Variants in ADAM22 observed in about 807,000 individuals in gnomAD.
ADAM22 encodes the protein ADAM metallopeptidase domain 22.
In ADAM22, 65 loss-of-function variants were observed where a neutral mutation model predicts 144.6. That is an observed-to-expected ratio of 0.45 (90% CI 0.37 to 0.55). The LOEUF is 0.55. Among genes scored for constraint, ADAM22 ranks in the 20% least tolerant of loss-of-function variants. ADAM22 has a pLI of 0.00. For missense variants in ADAM22, 974 were observed against 1,184.9 expected (o/e 0.82, Z 2.61); for synonymous variants, 391 against 412.6 (o/e 0.95, Z 0.63).
intron 14 of ADAM22, among the ~76,000 whole-genome samples, chr7:88,140,267 T>C (rs767286799): frequency 1.3e-5 from 2 of 152,082 alleles, no homozygotes. Context: ...ATCCAAACTT[T>C]ATCATCGTGT....
At chr7:88,147,814 G>C (rs748827099) in intron 17 of ADAM22, among the ~76,000 whole-genome samples, 7 of 152,092 alleles carry the variant, frequency 4.6e-5, no homozygotes, top group Non-Finnish European at 7.4e-5. Context: ...TTCTACCCTA[G>C]ATATTCTAAA....
intron 21 of ADAM22, among the ~76,000 whole-genome samples, chr7:88,154,532 T>C (rs1318353472): frequency 2.6e-5 from 4 of 152,214 alleles, no homozygotes; most frequent in African/African-American, 9.6e-5. Flanking sequence ...TATCTCTCTC[T>C]TCTTTGAACT....
At chr7:87,967,942 C>T (rs768916746) in intron 2 of ADAM22, among the ~76,000 whole-genome samples, 2 of 150,680 alleles carry the variant, frequency 1.3e-5, no homozygotes, top group Non-Finnish European at 3.0e-5. Context: ...TTCCTTTTGT[C>T]TTTCTCTTAC....
At chr7:88,102,507 T>C (rs928216958) in intron 4 of ADAM22, among the ~76,000 whole-genome samples, 1 of 152,150 alleles carries the variant, frequency 6.6e-6, no homozygotes, top group Non-Finnish European at 1.5e-5. Context: ...GTGATTTAGA[T>C]GGTTGGGAGT....
intron 3 of ADAM22, among the ~76,000 whole-genome samples, chr7:88,060,078 G>A (rs1245955229): frequency 2.6e-5 from 4 of 152,026 alleles, no homozygotes; most frequent in Non-Finnish European, 5.9e-5. Flanking sequence ...TCTAAAAAAA[G>A]TATATACTCT....
intron 30 of ADAM22, among the ~76,000 whole-genome samples, chr7:88,192,906 T>G (rs1849925918): frequency 6.6e-6 from 1 of 152,250 alleles, no homozygotes; most frequent in South Asian, 2.1e-4. Flanking sequence ...TTCTAACATT[T>G]AAATAATCCA....
At chr7:88,195,208 A>G (rs1850421308) in intron 31 of ADAM22, among the ~76,000 whole-genome samples, 1 of 152,202 alleles carries the variant, frequency 6.6e-6, no homozygotes, top group Non-Finnish European at 1.5e-5. Flanking sequence ...TTATGTTTAT[A>G]ATAATTATAT....
At chr7:88,171,399 C>T (rs1844272517) in intron 25 of ADAM22, 145 bp from the exon 26 acceptor site, 2 of 635,974 alleles carry the variant, frequency 3.1e-6, no homozygotes, top group Non-Finnish European at 2.6e-6. Flanking sequence ...TGTGCATTCC[C>T]ATTTTAATTC....
At chr7:88,018,045 C>T (rs912306879) in intron 3 of ADAM22, among the ~76,000 whole-genome samples, 1 of 152,054 alleles carries the variant, frequency 6.6e-6, no homozygotes, top group Non-Finnish European at 1.5e-5. Flanking sequence ...TCTCTTGTTT[C>T]AGGTCTAAAC....
At chr7:88,005,527 G>C (rs1192097159) in intron 3 of ADAM22, among the ~76,000 whole-genome samples, 2 of 152,168 alleles carry the variant, frequency 1.3e-5, no homozygotes, top group Non-Finnish European at 1.5e-5. Flanking sequence ...GTTTGTATCA[G>C]TATATTGACA....
At chr7:87,966,125 C>T (rs950182939) in intron 2 of ADAM22, among the ~76,000 whole-genome samples, 3 of 152,192 alleles carry the variant, frequency 2.0e-5, no homozygotes, top group Admixed American at 6.5e-5. Context: ...TAACTCTACT[C>T]TAATGAAATA....
intron 3 of ADAM22, among the ~76,000 whole-genome samples, chr7:88,033,751 G>A (rs186891132): frequency 6.4e-4 from 97 of 152,196 alleles, no homozygotes; most frequent in African/African-American, 1.4e-3. Flanking sequence ...CTGAGCTGGC[G>A]TCCAAGCCAC....
intron 3 of ADAM22, among the ~76,000 whole-genome samples, chr7:88,020,580 T>C (rs1363361994): frequency 6.6e-6 from 1 of 152,130 alleles, no homozygotes; most frequent in Admixed American, 6.5e-5. Context: ...TCCTTCACTA[T>C]TCCAAGGCAC....
intron 2 of ADAM22, among the ~76,000 whole-genome samples, chr7:87,977,362 G>A (rs1852149397): frequency 6.6e-6 from 1 of 152,182 alleles, no homozygotes; most frequent in South Asian, 2.1e-4. Flanking sequence ...GGGATGTGCT[G>A]GTTCTCAGGG....
chr7:88,124,844 T>C (rs1404086952), intron 7 of ADAM22, among the ~76,000 whole-genome samples: 1 of 152,006 alleles, frequency 6.6e-6, no homozygotes, highest in African/African-American at 2.4e-5. Context: ...ATTTCTCCTT[T>C]ATGAACAGTA....
At chr7:88,191,605 A>G (rs1849638635) in intron 30 of ADAM22, among the ~76,000 whole-genome samples, 2 of 152,182 alleles carry the variant, frequency 1.3e-5, no homozygotes, top group Admixed American at 1.3e-4. Context: ...GTCCTATTTA[A>G]AGTGTTTTTC....
intron 19 of ADAM22, 97 bp downstream of exon 19, chr7:88,151,128 T>C: frequency 6.6e-7 from 1 of 1,518,484 alleles, no homozygotes; most frequent in Non-Finnish European, 9.1e-7. Flanking sequence ...TAAATGTTTG[T>C]AATCAATTCT....
At chr7:88,082,243 T>G (rs1176681489) in intron 4 of ADAM22, among the ~76,000 whole-genome samples, 2 of 152,170 alleles carry the variant, frequency 1.3e-5, no homozygotes, top group Non-Finnish European at 2.9e-5. Context: ...GGGAAAGGAT[T>G]CCCTATTTAG....
chr7:88,141,993 T>A (rs978281469), intron 14 of ADAM22, among the ~76,000 whole-genome samples: 2 of 152,186 alleles, frequency 1.3e-5, no homozygotes, highest in Admixed American at 6.5e-5. Flanking sequence ...TATTCTCTAA[T>A]CAAGATCTTT....
Sources: gnomAD v4.1 joint callset for allele counts (sites outside exome capture counted in the v4.1 genomes callset) on GRCh38, gnomAD v4.1.1 for gene constraint, MANE v1.5 for transcripts, NCBI Gene and HGNC (gene_info 2026-07-23, HGNC 2026-07-21) for gene names.